FAM234B: variants seen among roughly 807,000 people sequenced by gnomAD.
FAM234B encodes family with sequence similarity 234 member B.
A neutral mutation model predicts 69.3 loss-of-function variants in FAM234B; 33 were observed. The observed-to-expected ratio is 0.48, with a 90% CI of 0.36 to 0.64. The LOEUF is 0.64. Among genes scored for constraint, FAM234B ranks in the 30% least tolerant of loss-of-function variants. The pLI is 0.00. For missense variants in FAM234B, 697 were observed against 769.7 expected, an observed-to-expected ratio of 0.91 and a Z score of 1.12; for synonymous variants, 306 against 306.9, an observed-to-expected ratio of 1.00 and a Z score of 0.03.
intron 1 of FAM234B, among the ~76,000 whole-genome samples, chr12:13,045,234 T>C (rs1455650286): frequency 6.6e-6 from 1 of 151,856 alleles, no homozygotes; most frequent in Non-Finnish European, 1.5e-5. Context: ...TTTTTTTTTT[T>C]TCCTCCTAAA....
chr12:13,044,488 A>G lies in FAM234B; in HGVS notation c.37+48A>G. On this transcript the variant is annotated intron_variant, in intron 1 of 12. Transcript: ENST00000197268. The surrounding 1 kb of genome is among the most constrained non-coding windows in gnomAD (Gnocchi z 5.6). Reference sequence around the variant, plus strand: ...CCACCCAGTCCCCGCCGGTGTTGGAATAAGGGGAGGCGAGGCTCTGGGGGC... The same window carrying G: ...CCACCCAGTCCCCGCCGGTGTTGGAGTAAGGGGAGGCGAGGCTCTGGGGGC... 2 of 1,545,624 alleles carry G rather than the reference A, an allele frequency of 1.3e-6. No individual in the cohort carries two copies. Among genetic ancestry groups the G allele is most frequent in the South Asian group, 2.4e-5 (2 of 83,868 alleles).
chr12:13,078,841 A>C (rs1404964608), intron 11 of FAM234B, among the ~76,000 whole-genome samples: 1 of 152,146 alleles, frequency 6.6e-6, no homozygotes, highest in Non-Finnish European at 1.5e-5. Flanking sequence ...AGGGACATGA[A>C]GGACCTCTTC....
Position 13,067,143 on chromosome 12 carries a change from C to T in FAM234B, c.1001-12C>T. 1 of 1,613,932 alleles carries T rather than the reference C, an allele frequency of 6.2e-7. No homozygotes were observed. On this transcript the variant is annotated splice_polypyrimidine_tract_variant and intron_variant, in intron 6 of 12. Coordinates refer to ENST00000197268, the MANE Select transcript of FAM234B (RefSeq NM_020853.2). This position sits in a 1 kb window ranked among gnomAD's most constrained non-coding sequence, Gnocchi z 4.7. ...ATTCAACTTCTCAGTGTTGGTTCTT[C>T]TGTGGTGCTAGGAAATATACAAGCT...
intron 5 of FAM234B, among the ~76,000 whole-genome samples, chr12:13,064,667 G>T (rs181535053): frequency 6.6e-6 from 1 of 152,256 alleles, no homozygotes; most frequent in East Asian, 1.9e-4. Flanking sequence ...TCTCAGTTCT[G>T]CTTGAAAAGT....
At chr12:13,063,048 T>G in intron 5 of FAM234B, 73 bp downstream of exon 5, 3 of 1,504,012 alleles carry the variant, frequency 2.0e-6, no homozygotes, top group Non-Finnish European at 2.8e-6. Flanking sequence ...GCTCCTAGTG[T>G]TACATTATAA....
Position 13,067,410 on chromosome 12 carries a change from A to C in FAM234B, c.1142+114A>C. ...ATGTGGGTAGAGGTTTAGGGGAAAC[A>C]GTGCTTATCTTAATTTACCATCTTC... is the stretch of plus-strand genomic sequence containing the variant. On this transcript the variant is annotated intron_variant, in intron 7 of 12. Coordinates refer to ENST00000197268, the MANE Select transcript of FAM234B (RefSeq NM_020853.2). The surrounding 1 kb of genome is among the most constrained non-coding windows in gnomAD (Gnocchi z 4.7). 1 of 1,078,848 alleles carries C rather than the reference A, an allele frequency of 9.3e-7. No individual in the cohort carries two copies. Among genetic ancestry groups the C allele is most frequent in the Non-Finnish European group, 1.4e-6 (1 of 733,872 alleles). 66.8% of individuals were successfully genotyped at this position (1,078,848 alleles called of 1,614,324 possible). A position where few individuals can be genotyped will look rare whatever the true frequency, so the allele number is the denominator to read the frequency against.
intron 11 of FAM234B, among the ~76,000 whole-genome samples, chr12:13,077,105 G>T (rs959555267): frequency 6.6e-6 from 1 of 152,148 alleles, no homozygotes; most frequent in Non-Finnish European, 1.5e-5. Flanking sequence ...TGATTGGGGG[G>T]TGGGGGCAGG....
chr12:13,052,179 A>C (rs967985606), intron 1 of FAM234B, among the ~76,000 whole-genome samples: 4 of 152,182 alleles, frequency 2.6e-5, no homozygotes, highest in African/African-American at 9.7e-5. Flanking sequence ...ATAATTGGCA[A>C]CTTCCCAGAA....
intron 11 of FAM234B, among the ~76,000 whole-genome samples, chr12:13,079,370 A>C (rs557350287): frequency 6.6e-6 from 1 of 152,310 alleles, no homozygotes; most frequent in East Asian, 1.9e-4. Context: ...CCTTCCTTAC[A>C]CCTTATACAA....
chr12:13,065,055 C>T (rs1371858625), intron 5 of FAM234B, among the ~76,000 whole-genome samples: 1 of 152,178 alleles, frequency 6.6e-6, no homozygotes, highest in East Asian at 1.9e-4. Context: ...TCTTGGTGCA[C>T]TCAGGCTGAT....
In FAM234B at chr12:13,067,265, A is replaced by G. The variant is rs142786932; in HGVS notation, c.1111A>G (p.Ile371Val). 41 of 1,613,894 alleles carry G rather than the reference A, an allele frequency of 2.5e-5. No individual in the cohort carries two copies. The African/African-American group carries it at 4.7e-4, about 18-fold the overall frequency. ...GCCAGAATGGGAAAAGCGAAGATCC[A>G]TCAACCTGTCTGAGCTCATTGATGT... The part of the protein sequence containing the change: ...EEPEWEKRRS[I>V]NLSELIDVYS... The change falls in exon 7 of 13, where the codon ATC (isoleucine) becomes GTC (valine). Residue 371 changes from isoleucine (I) to valine (V), a missense_variant. By Grantham distance (29) the Ile-to-Val change is conservative. Coordinates refer to ENST00000197268, the MANE Select transcript of FAM234B (RefSeq NM_020853.2). This position sits in a 1 kb window ranked among gnomAD's most constrained non-coding sequence, Gnocchi z 4.7.
At chr12:13,076,204 G>A (rs1435146569) in intron 11 of FAM234B, 61 bp downstream of exon 11, 1 of 1,274,214 alleles carries the variant, frequency 7.8e-7, no homozygotes, top group Non-Finnish European at 1.1e-6. Flanking sequence ...TGTGTTGGCT[G>A]TGTGTAATGA....
In FAM234B at chr12:13,066,640, C is replaced by G; in HGVS notation, c.853C>G (p.Pro285Ala). Residue 285 changes from proline to alanine, a missense_variant and splice_region_variant, in exon 6 of 13, where the codon CCA becomes GCA. Transcript: ENST00000197268. ...LVVLAIGELQPDLCFLLVSGR... is the reference protein window; with the variant it reads ...LVVLAIGELQADLCFLLVSGR... ...CCACCCCCCTCTCTTACTTCCTCAG[C>G]CAGATCTGTGCTTTCTGCTGGTGTC... is the stretch of plus-strand genomic sequence containing the variant. 1 of 1,611,020 alleles carries G rather than the reference C, an allele frequency of 6.2e-7. No homozygotes were observed. The highest frequency in any genetic ancestry group is 8.5e-7 in the Non-Finnish European group (1 of 1,178,466).
chr12:13,077,937 C>T (rs1218869018), intron 11 of FAM234B, among the ~76,000 whole-genome samples: 1 of 151,888 alleles, frequency 6.6e-6, no homozygotes, highest in Non-Finnish European at 1.5e-5. Context: ...CCTGTTGTTT[C>T]CTGACTTTTT....
intron 1 of FAM234B, among the ~76,000 whole-genome samples, chr12:13,052,877 C>T (rs7311629): frequency 6.6e-6 from 1 of 152,114 alleles, no homozygotes; most frequent in South Asian, 2.1e-4. Context: ...CAAACAATCA[C>T]TTTAAAAAGC....
chr12:13,077,270 A>T (rs1865172028), intron 11 of FAM234B, among the ~76,000 whole-genome samples: 2 of 152,006 alleles, frequency 1.3e-5, no homozygotes, highest in South Asian at 4.2e-4. Context: ...TTCATTTTTT[A>T]AATTTTATTA....
intron 11 of FAM234B, among the ~76,000 whole-genome samples, chr12:13,079,321 A>T (rs1024525520): frequency 1.4e-4 from 21 of 152,224 alleles, no homozygotes; most frequent in African/African-American, 5.1e-4. Flanking sequence ...TGGTGCTGGG[A>T]AAACTGGCTA....
Position 13,076,137 on chromosome 12 carries a change from T to C in FAM234B, c.1636T>C (p.Ser546Pro). 6 of 1,610,768 alleles carry C rather than the reference T, an allele frequency of 3.7e-6. No individual in the cohort carries two copies. The highest frequency in any genetic ancestry group is 5.1e-6 in the Non-Finnish European group (6 of 1,176,966). The change falls in exon 11 of 13, where the codon TCA becomes CCA. Residue 546 changes from serine (S) to proline (P), a missense_variant. Transcript: ENST00000197268. ...LANTTGTVTA[S>P]EVGINDLWKD... ...CAACACCACCGGCACAGTGACGGCT[T>C]CAGAGGGTGAGTCCCAGTGCCAGCG... is the stretch of plus-strand genomic sequence containing the variant.
rs1865067047 is a variant in FAM234B, at chr12:13,068,535, A to G, written c.1286+88A>G. On this transcript the variant is annotated intron_variant, in intron 8 of 12. Transcript: ENST00000197268. ...TCCAGGACAATTGCTTGCAATTCTTATATCTGGGGCCAGTGCAAGAGAAGG... is the reference window on the plus strand; with the variant it reads ...TCCAGGACAATTGCTTGCAATTCTTGTATCTGGGGCCAGTGCAAGAGAAGG... 1.9e-6 allele frequency: 3 copies of G among 1,584,576 alleles called. 1 individual carries two copies. The highest frequency in any genetic ancestry group is 3.4e-4 in the Middle Eastern group (2 of 5,936).
Sources: gnomAD v4.1 joint callset for allele counts (sites outside exome capture counted in the v4.1 genomes callset) on GRCh38, gnomAD v4.1.1 for gene constraint, Gnocchi (gnomAD v3.1) non-coding constraint, MANE v1.5 for transcripts, NCBI Gene and HGNC (gene_info 2026-07-23, HGNC 2026-07-21) for gene names.